The following SLIT3 variants were observed in gnomAD, a reference collection of about 807,000 sequenced individuals.
SLIT3 encodes the protein slit guidance ligand 3, also known as slit homolog 3 protein.
Under a neutral mutation model 184.0 loss-of-function variants are expected in SLIT3, and 68 were observed. The ratio of observed to expected loss-of-function variants is 0.37; its 90% CI spans 0.30 to 0.45. SLIT3 has a LOEUF of 0.45. Ranked by LOEUF, SLIT3 falls within the 20% of genes least tolerant of loss-of-function variation. SLIT3 has a pLI of 1.00. For synonymous variants in SLIT3, 831 were observed against 828.6 expected (o/e 1.00, Z -0.05); for missense variants, 1,707 against 2,026.0 (o/e 0.84, Z 3.02).
At chr5:169,035,718 T>C (rs892994000) in intron 4 of SLIT3, among the ~76,000 whole-genome samples, 6 of 150,110 alleles carry the variant, frequency 4.0e-5, no homozygotes, top group African/African-American at 1.5e-4. Context: ...AGTACCACGA[T>C]AATCTATTTC....
chr5:169,118,623 A>T (rs2113281808), intron 4 of SLIT3, among the ~76,000 whole-genome samples: 1 of 152,364 alleles, frequency 6.6e-6, no homozygotes, highest in African/African-American at 2.4e-5. Context: ...TGACCCAGGA[A>T]TTTGTAGGAT....
intron 1 of SLIT3, among the ~76,000 whole-genome samples, chr5:169,261,486 C>CCTCT (rs1050348144): frequency 6.6e-6 from 1 of 151,614 alleles, no homozygotes; most frequent in Non-Finnish European, 1.5e-5. Context: ...TCCTTTCCTC[C>CCTCT]CTCTCTCTCC....
At chr5:168,677,221 C>A (rs146551108) in intron 32 of SLIT3, among the ~76,000 whole-genome samples, 2 of 152,324 alleles carry the variant, frequency 1.3e-5, no homozygotes, top group East Asian at 3.9e-4. Context: ...CTTCTGTAAG[C>A]CCCTGTTTCT....
intron 4 of SLIT3, among the ~76,000 whole-genome samples, chr5:168,937,797 G>A (rs1196697117): frequency 6.6e-6 from 1 of 152,058 alleles, no homozygotes; most frequent in Non-Finnish European, 1.5e-5. Context: ...ATATTTTTAA[G>A]GACTAGAATA....
chr5:168,802,146 G>GA (rs57706263), intron 9 of SLIT3, among the ~76,000 whole-genome samples: 3,078 of 109,670 alleles, frequency 0.028, 31 homozygotes, highest in Middle Eastern at 0.043. Context: ...TTCTCAATAA[G>GA]AAAAAAAAAA....
chr5:169,089,385 A>G (rs77924998), intron 4 of SLIT3, among the ~76,000 whole-genome samples: 7,468 of 152,256 alleles, frequency 0.049, 283 homozygotes, highest in East Asian at 0.15. Context: ...TTTCTTGAAA[A>G]GAAAACCGGC....
chr5:168,694,593 GTCTCTCTCTCTTTCTTTA>G (rs1246596801), intron 28 of SLIT3, among the ~76,000 whole-genome samples: 4 of 151,990 alleles, frequency 2.6e-5, no homozygotes, highest in African/African-American at 4.8e-5. Context: ...CTCTCTCTCT[GTCTCTCTCTCTTTCTTTA>G]TCTCTCTCTC....
At chr5:169,035,399 C>T (rs1399541076) in intron 4 of SLIT3, among the ~76,000 whole-genome samples, 1 of 151,804 alleles carries the variant, frequency 6.6e-6, no homozygotes, top group Non-Finnish European at 1.5e-5. Context: ...CCTGTAATCC[C>T]AAAACTTTGG....
At chr5:168,795,872 C>T (rs1756548154) in intron 9 of SLIT3, among the ~76,000 whole-genome samples, 1 of 152,060 alleles carries the variant, frequency 6.6e-6, no homozygotes, top group Non-Finnish European at 1.5e-5. Flanking sequence ...CAGCTGTCTT[C>T]TTCAGAGAAA....
chr5:169,164,326 A>C (rs1762566780), intron 4 of SLIT3, among the ~76,000 whole-genome samples: 1 of 152,182 alleles, frequency 6.6e-6, no homozygotes, highest in South Asian at 2.1e-4. Flanking sequence ...CCAAGGTCCC[A>C]TTCTAGCACA....
chr5:169,249,218 T>C (rs1312438379), intron 2 of SLIT3, among the ~76,000 whole-genome samples: 1 of 152,166 alleles, frequency 6.6e-6, no homozygotes, highest in Non-Finnish European at 1.5e-5. Context: ...TCTTTCACAG[T>C]AATAAAGGGC....
chr5:169,059,838 C>G (rs781188546), intron 4 of SLIT3, among the ~76,000 whole-genome samples: 1 of 152,216 alleles, frequency 6.6e-6, no homozygotes, highest in Admixed American at 6.5e-5. Context: ...GAGTTCCCCT[C>G]AAATTCATAT....
At chr5:168,690,858 A>G (rs1761886723) in intron 29 of SLIT3, among the ~76,000 whole-genome samples, 1 of 152,142 alleles carries the variant, frequency 6.6e-6, no homozygotes, top group African/African-American at 2.4e-5. Context: ...GTGATGTGAA[A>G]ATAGAAAAGG....
chr5:169,049,875 G>A (rs1757757771), intron 4 of SLIT3, among the ~76,000 whole-genome samples: 1 of 152,094 alleles, frequency 6.6e-6, no homozygotes, highest in Non-Finnish European at 1.5e-5. Flanking sequence ...TGCTGTTGTT[G>A]GCTCTATCTT....
intron 3 of SLIT3, among the ~76,000 whole-genome samples, chr5:169,198,901 C>A (rs1046836868): frequency 6.6e-6 from 1 of 151,690 alleles, no homozygotes; most frequent in African/African-American, 2.4e-5. Flanking sequence ...CACTGCAAGC[C>A]AGCCTGGGCA....
chr5:168,708,002 G>A lies in SLIT3; in HGVS notation c.2818C>T (p.Arg940Cys), dbSNP rs1762428295. 2.5e-6 allele frequency: 4 copies of A among 1,614,158 alleles called. No homozygotes were observed. The highest frequency in any genetic ancestry group is 3.4e-6 in the Non-Finnish European group (4 of 1,180,004). The change falls in exon 26 of 36, where the codon CGC (arginine) becomes TGC (cysteine). Residue 940 changes from arginine to cysteine, a missense_variant. Arg to Cys is a radical substitution (Grantham distance 180). This residue lies in a region of SLIT3 where 1,307 missense variants were observed against 1,511.6 expected (regional missense o/e 0.86). Transcript: ENST00000519560. ...TTGTAGCTGTAGGGGCAGGCACAGC[G>A]GTACAGCTCCACAGGGTCCTGGGTG... ...TCTQDPVELY[R>C]CACPYSYKGK...
chr5:169,115,053 G>C (rs1441560297), intron 4 of SLIT3, among the ~76,000 whole-genome samples: 1 of 152,168 alleles, frequency 6.6e-6, no homozygotes, highest in Non-Finnish European at 1.5e-5. Context: ...TGTGTCCCTG[G>C]AGAAGTTTGC....
At chr5:168,823,936 C>T (rs1757618330) in intron 6 of SLIT3, among the ~76,000 whole-genome samples, 1 of 152,192 alleles carries the variant, frequency 6.6e-6, no homozygotes, top group Non-Finnish European at 1.5e-5. Flanking sequence ...CATCTTCTGA[C>T]TCTTTCAGCA....
intron 4 of SLIT3, among the ~76,000 whole-genome samples, chr5:169,084,243 G>A (rs1759188346): frequency 6.6e-6 from 1 of 151,796 alleles, no homozygotes; most frequent in Non-Finnish European, 1.5e-5. Context: ...TTGAAGCCAT[G>A]GCTTACATTC....
Sources: allele counts gnomAD v4.1 joint callset (sites outside exome capture counted in the v4.1 genomes callset), GRCh38; gene constraint gnomAD v4.1.1; regional missense constraint gnomAD v4.1.1; transcripts MANE v1.5; gene names NCBI Gene and HGNC (gene_info 2026-07-23, HGNC 2026-07-21).